The following PEAK1 variants were observed in gnomAD, a reference collection of about 807,000 sequenced individuals.
The protein encoded by PEAK1 is pseudopodium enriched atypical kinase 1, also known as inactive tyrosine-protein kinase PEAK1.
In PEAK1, 54 loss-of-function variants were observed where a neutral mutation model predicts 124.7. That is an observed-to-expected ratio of 0.43 (90% confidence interval 0.35 to 0.54). PEAK1 has a LOEUF of 0.54. Among genes scored for constraint, PEAK1 ranks in the 20% least tolerant of loss-of-function variants. PEAK1 has a pLI of 0.01. For missense variants in PEAK1, 2,046 were observed against 2,134.5 expected (o/e 0.96, Z 0.82); for synonymous variants, 719 against 760.0 (o/e 0.95, Z 0.89).
In PEAK1 at chr15:77,419,312, G is replaced by C. The variant is rs557728210; in HGVS notation, c.-666+694C>G. The C allele has an allele frequency of 3.4e-4, 337 of 985,364 alleles. 5 individuals carry two copies. The South Asian group carries it at 0.013, about 38-fold the overall frequency. 61.0% of individuals were successfully genotyped at this position (985,364 alleles called of 1,614,324 possible). A position where few individuals can be genotyped will look rare whatever the true frequency, so the allele number is the denominator to read the frequency against. On this transcript the variant is annotated intron_variant, in intron 1 of 9. Transcript: ENST00000682557. The stretch of plus-strand genomic sequence containing the variant: ...ATGGTGCATGCGACGAGAGGGGAGG[G>C]GGCAGACGCGGTTCAGACGGCAAGT...
At chr15:77,320,851 T>G (rs951397279) in intron 2 of PEAK1, among the ~76,000 whole-genome samples, 1 of 149,146 alleles carries the variant, frequency 6.7e-6, no homozygotes, top group Non-Finnish European at 1.5e-5. Context: ...GATGTCCCCC[T>G]TCCTGTGTCC....
intron 2 of PEAK1, among the ~76,000 whole-genome samples, chr15:77,332,526 G>A (rs1174154540): frequency 6.6e-6 from 1 of 152,060 alleles, no homozygotes; most frequent in Non-Finnish European, 1.5e-5. Flanking sequence ...CATGAACCCG[G>A]GAGGCGGAGG....
downstream of PEAK1, chr15:77,105,406 G>A (rs946150090): frequency 2.0e-5 from 3 of 152,058 alleles, no homozygotes; most frequent in Non-Finnish European, 4.4e-5. Flanking sequence ...GGGATCTCAA[G>A]GAAGTCAGTT....
intron 2 of PEAK1, among the ~76,000 whole-genome samples, chr15:77,293,730 A>AT (rs1191458262): frequency 6.6e-6 from 1 of 152,186 alleles, no homozygotes; most frequent in Non-Finnish European, 1.5e-5. Flanking sequence ...GGTGATGTGG[A>AT]TTTGTTATAT....
chr15:77,351,387 G>C (rs1466410332), intron 2 of PEAK1, among the ~76,000 whole-genome samples: 1 of 152,162 alleles, frequency 6.6e-6, no homozygotes, highest in Non-Finnish European at 1.5e-5. Flanking sequence ...AGTATGATCA[G>C]AATGAGGCAG....
At position 77,255,163 on chromosome 15, in the gene PEAK1, C is replaced by T. The variant is rs116671682; in HGVS notation, c.-274-2637G>A. ...AAATGTTTCTAAATTATCAAAACAA[C>T]GAATTAACAATTTGTGAGAAGATAT... is the stretch of plus-strand genomic sequence containing the variant. On this transcript the variant is annotated intron_variant, in intron 5 of 9. Transcript: ENST00000682557. Among the ~76,000 whole-genome samples the T allele has an allele frequency of 7.3e-3, 1,114 of 152,164 alleles. 15 individuals carry two copies. The highest frequency in any genetic ancestry group is 0.025 in the African/African-American group (1,057 of 41,508).
intron 8 of PEAK1, among the ~76,000 whole-genome samples, chr15:77,134,761 GCT>G (rs1567012174): frequency 1.3e-5 from 2 of 152,064 alleles, no homozygotes; most frequent in Non-Finnish European, 2.9e-5. Context: ...GAGTTATAAG[GCT>G]CTGTTATGGG....
At chr15:77,361,007 G>C (rs551668352) in intron 2 of PEAK1, among the ~76,000 whole-genome samples, 12 of 152,048 alleles carry the variant, frequency 7.9e-5, no homozygotes, top group Middle Eastern at 6.8e-3. Flanking sequence ...GGCAACTAAA[G>C]CAAAAGAAAC....
intron 6 of PEAK1, among the ~76,000 whole-genome samples, chr15:77,226,554 T>G (rs1219800577): frequency 6.6e-6 from 1 of 152,080 alleles, no homozygotes; most frequent in African/African-American, 2.4e-5. Context: ...ATGCCATGTA[T>G]TTTCTCTGAC....
intron 2 of PEAK1, chr15:77,352,267 T>C (rs2067254542): frequency 1.0e-5 from 10 of 985,252 alleles, no homozygotes; most frequent in Admixed American, 6.1e-5. Context: ...TTGGTCCTCC[T>C]AGCCATACCT....
chr15:77,344,282 G>A (rs1455801538), intron 2 of PEAK1, among the ~76,000 whole-genome samples: 1 of 152,074 alleles, frequency 6.6e-6, no homozygotes, highest in African/African-American at 2.4e-5. Context: ...TTTTAGTAGA[G>A]ACGGGGTTTC....
At chr15:77,128,204 G>C (rs1214104119) in intron 9 of PEAK1, among the ~76,000 whole-genome samples, 1 of 152,138 alleles carries the variant, frequency 6.6e-6, no homozygotes, top group Non-Finnish European at 1.5e-5. Flanking sequence ...GCACAAGTCA[G>C]GGATAATAAT....
At chr15:77,263,940 G>A in intron 5 of PEAK1, among the ~76,000 whole-genome samples, 1 of 152,148 alleles carries the variant, frequency 6.6e-6, no homozygotes, top group East Asian at 1.9e-4. Flanking sequence ...TGGGATGCAA[G>A]GCTGGTTCAA....
intron 1 of PEAK1, among the ~76,000 whole-genome samples, chr15:77,401,214 ATG>A (rs2071351052): frequency 6.6e-6 from 1 of 152,172 alleles, no homozygotes; most frequent in African/African-American, 2.4e-5. Context: ...TTTATAATAA[ATG>A]TGTCTTACAG....
chr15:77,295,381 T>C (rs2063431966), intron 2 of PEAK1, among the ~76,000 whole-genome samples: 1 of 152,114 alleles, frequency 6.6e-6, no homozygotes, highest in African/African-American at 2.4e-5. Flanking sequence ...TTATAGACTA[T>C]TACAGTGAGA....
chr15:77,402,089 C>G, intron 1 of PEAK1: 4 of 840,836 alleles, frequency 4.8e-6, no homozygotes, highest in Non-Finnish European at 5.7e-6. Context: ...ATCCCAGCTA[C>G]TATGGTGGCT....
At chr15:77,397,377 A>C (rs79979015) in intron 1 of PEAK1, among the ~76,000 whole-genome samples, 5 of 152,160 alleles carry the variant, frequency 3.3e-5, no homozygotes, top group Non-Finnish European at 7.4e-5. Context: ...TCAAATCAGC[A>C]AGCTAACAAT....
chr15:77,162,740 C>A (rs1205413643), intron 7 of PEAK1, among the ~76,000 whole-genome samples: 1 of 152,012 alleles, frequency 6.6e-6, no homozygotes, highest in Non-Finnish European at 1.5e-5. Flanking sequence ...ATTTTCTGAA[C>A]AAACTTGATG....
At chr15:77,148,567 A>G (rs2054339332) in intron 8 of PEAK1, among the ~76,000 whole-genome samples, 1 of 152,128 alleles carries the variant, frequency 6.6e-6, no homozygotes, top group African/African-American at 2.4e-5. Context: ...GCCATTTAGT[A>G]AGCATTTTAA....
Sources: allele counts gnomAD v4.1 joint callset (sites outside exome capture counted in the v4.1 genomes callset), GRCh38; gene constraint gnomAD v4.1.1; transcripts MANE v1.5; gene names NCBI Gene and HGNC (gene_info 2026-07-23, HGNC 2026-07-21).